Variants in CHD1L observed in about 807,000 individuals in gnomAD.
The protein encoded by CHD1L is chromodomain helicase DNA binding protein 1 like, also known as ATP-dependent chromatin remodeler CHD1L.
CHD1L carries 118 observed loss-of-function variants against 115.9 expected under a neutral mutation model. The ratio of observed to expected loss-of-function variants is 1.02; its 90% CI spans 0.88 to 1.19. CHD1L has a LOEUF of 1.19. Ranked by LOEUF, CHD1L falls within the 50% of genes most tolerant of loss-of-function variation. The pLI, the probability that CHD1L is intolerant of heterozygous loss-of-function variation, is 0.00. For synonymous variants in CHD1L, 411 were observed against 387.1 expected, an observed-to-expected ratio of 1.06 and a Z score of -0.72; for missense variants, 1,179 against 1,065.3, an observed-to-expected ratio of 1.11 and a Z score of -1.49.
chr1:147,285,618 C>T (rs1282278764), intron 17 of CHD1L, 131 bp downstream of exon 17: 5 of 1,051,638 alleles, frequency 4.8e-6, no homozygotes, highest in African/African-American at 3.2e-5. Flanking sequence ...TAACAGAATA[C>T]TTTCTGAAAA....
chr1:147,182,016 T>G, the CHD1L span, among the ~76,000 whole-genome samples: 2 of 152,136 alleles, frequency 1.3e-5, no homozygotes, highest in Non-Finnish European at 2.9e-5. Context: ...TGGGTATAGG[T>G]AGTTGAGATG....
At chr1:147,180,122 C>T in the CHD1L span, among the ~76,000 whole-genome samples, 3 of 151,930 alleles carry the variant, frequency 2.0e-5, no homozygotes, top group African/African-American at 7.3e-5. Context: ...TGGAGGACTG[C>T]AATCATTTCT....
chr1:147,267,855 C>G (rs1295659313), intron 9 of CHD1L, among the ~76,000 whole-genome samples: 4 of 152,016 alleles, frequency 2.6e-5, no homozygotes, highest in African/African-American at 9.7e-5. Flanking sequence ...GAGTCAAGAC[C>G]AGTGGTTTTG....
chr1:147,242,074 A>G (rs1400896696), upstream of CHD1L, among the ~76,000 whole-genome samples: 1 of 152,196 alleles, frequency 6.6e-6, no homozygotes, highest in Non-Finnish European at 1.5e-5. Context: ...GCTGATGCTG[A>G]GTCACGGTGA....
At chr1:147,262,566 G>A (rs1269468332) in intron 6 of CHD1L, among the ~76,000 whole-genome samples, 1 of 152,014 alleles carries the variant, frequency 6.6e-6, no homozygotes, top group South Asian at 2.1e-4. Context: ...CTCTTTACTT[G>A]GTGAACACAT....
At chr1:147,237,687 A>G (rs781928581), upstream of CHD1L, among the ~76,000 whole-genome samples, 16 of 152,206 alleles carry the variant, frequency 1.1e-4, no homozygotes, top group Admixed American at 7.2e-4. Context: ...AATATGTCAC[A>G]AAAGTTAAAT....
chr1:147,200,464 G>T, the CHD1L span, among the ~76,000 whole-genome samples: 1 of 152,072 alleles, frequency 6.6e-6, no homozygotes, highest in Non-Finnish European at 1.5e-5. Flanking sequence ...GTATCATTAG[G>T]TGTGGTCTGG....
Position 147,255,949 on chromosome 1 carries a change from G to A in CHD1L, c.462+22G>A, listed in dbSNP as rs782818969. On this transcript the variant is annotated intron_variant, in intron 4 of 22. Coordinates refer to ENST00000369258, the MANE Select transcript of CHD1L (RefSeq NM_004284.6). ...TGAGGTATTCATTCGTTTCTCTATA[G>A]CGAGAACTCCTAACCTGTGACCTTA... 3.3e-6 allele frequency: 5 copies of A among 1,529,342 alleles called. No homozygotes were observed. In the South Asian group the frequency reaches 5.7e-5, roughly 17 times the overall value. The allele number at this position is 1,529,342 out of a possible 1,614,324, so 94.7% of individuals were successfully genotyped here.
the CHD1L span, chr1:147,204,728 C>T: frequency 2.0e-6 from 3 of 1,504,050 alleles, no homozygotes; most frequent in Non-Finnish European, 2.8e-6. Context: ...ATAGTCGCTG[C>T]ATCATTTGTC....
chr1:147,178,301 TTGCTCCTGAG>T, the CHD1L span: 1 of 1,613,128 alleles, frequency 6.2e-7, no homozygotes, highest in African/African-American at 1.3e-5. Context: ...TGCAAGAGAC[TTGCTCCTGAG>T]TATGAAGCTG....
chr1:147,276,826 G>A (rs782379583), intron 14 of CHD1L, among the ~76,000 whole-genome samples: 17 of 152,164 alleles, frequency 1.1e-4, no homozygotes, highest in Non-Finnish European at 2.4e-4. Flanking sequence ...CAGCCCTTGG[G>A]TTAAAATTAA....
intron 6 of CHD1L, among the ~76,000 whole-genome samples, chr1:147,263,368 A>T (rs1553945552): frequency 6.6e-6 from 1 of 151,034 alleles, no homozygotes; most frequent in African/African-American, 2.4e-5. Flanking sequence ...GGAGGAGGTT[A>T]CAGTGAGCCG....
intron 5 of CHD1L, chr1:147,259,624 G>A (rs587692209): frequency 2.3e-6 from 1 of 426,796 alleles, no homozygotes; most frequent in Non-Finnish European, 4.2e-6. Flanking sequence ...TTCCCATTTT[G>A]TTAAAAAAAA....
At chr1:147,204,994 T>C in the CHD1L span, 1 of 934,686 alleles carries the variant, frequency 1.1e-6, no homozygotes, top group South Asian at 1.3e-5. Context: ...ACCAAAGGTT[T>C]TCATGCCTGA....
chr1:147,291,804 G>A (rs587756148), intron 20 of CHD1L, among the ~76,000 whole-genome samples: 25 of 152,186 alleles, frequency 1.6e-4, no homozygotes, highest in African/African-American at 5.3e-4. Context: ...TGCAGATGGC[G>A]GTCATCTTGC....
intron 4 of CHD1L, 57 bp downstream of exon 4, chr1:147,255,984 G>T: frequency 8.5e-7 from 1 of 1,183,132 alleles, no homozygotes; most frequent in Non-Finnish European, 1.2e-6. Context: ...AGAAGTTGTA[G>T]AGTCTGCTGA....
chr1:147,265,527 A>G (rs1241444169), intron 7 of CHD1L, among the ~76,000 whole-genome samples: 1 of 152,240 alleles, frequency 6.6e-6, no homozygotes, highest in East Asian at 1.9e-4. Context: ...AATGCTGGCC[A>G]CATTCACATC....
Position 147,242,777 on chromosome 1 carries a change from G to A in CHD1L, c.74G>A (p.Arg25Gln), listed in dbSNP as rs11588753. The change falls in exon 1 of 23, where the codon CGA becomes CAA. Residue 25 changes from arginine to glutamine, a missense_variant. Arg to Gln is a conservative substitution (Grantham distance 43). Coordinates refer to ENST00000369258, the MANE Select transcript of CHD1L (RefSeq NM_004284.6). ...GFLLRLHTEG[R>Q]AEAARVQEQD... ...TTACTGCGGCTTCATACTGAGGGCC[G>A]AGCCGAGGCGGCGCGGGTGCAGGAG... 5.7e-5 allele frequency: 73 copies of A among 1,269,974 alleles called. No homozygotes were observed. The highest frequency in any genetic ancestry group is 9.2e-5 in the African/African-American group (6 of 65,554). 78.7% of individuals were successfully genotyped at this position (1,269,974 alleles called of 1,614,324 possible).
At chr1:147,204,900 G>A in the CHD1L span, 86 of 1,580,254 alleles carry the variant, frequency 5.4e-5, 1 homozygote, top group East Asian at 1.1e-3. Flanking sequence ...GCATCTGGGC[G>A]AAGCCCGGAG....
Sources: gnomAD v4.1 joint callset for allele counts (sites outside exome capture counted in the v4.1 genomes callset) on GRCh38, gnomAD v4.1.1 for gene constraint, MANE v1.5 for transcripts, NCBI Gene and HGNC (gene_info 2026-07-23, HGNC 2026-07-21) for gene names.